The following IL1RAPL1 variants were observed in gnomAD, a reference collection of about 807,000 sequenced individuals.
IL1RAPL1 encodes interleukin 1 receptor accessory protein like 1.
IL1RAPL1 carries 3 observed loss-of-function variants against 48.4 expected under a neutral mutation model. That is an observed-to-expected ratio of 0.06 (90% CI 0.03 to 0.16). The LOEUF is 0.16. Ranked by LOEUF, IL1RAPL1 falls within the 10% of genes least tolerant of loss-of-function variation. The pLI is 1.00. For synonymous variants in IL1RAPL1, 185 were observed against 187.7 expected (o/e 0.99, Z 0.12); for missense variants, 349 against 530.6 (o/e 0.66, Z 3.36).
chrX:29,771,559 C>T (rs747380284), intron 6 of IL1RAPL1, among the ~76,000 whole-genome samples: 2 of 112,004 alleles, frequency 1.8e-5, no homozygotes, highest in Admixed American at 9.5e-5. Context: ...TCTTAAGAAA[C>T]TGTGATGGCT....
chrX:29,311,661 C>T (rs1271482710), intron 3 of IL1RAPL1, among the ~76,000 whole-genome samples: 4 of 111,824 alleles, frequency 3.6e-5, no homozygotes, highest in Non-Finnish European at 5.6e-5. Flanking sequence ...GGCTACGGTA[C>T]TGGACAACAT....
intron 2 of IL1RAPL1, among the ~76,000 whole-genome samples, chrX:29,035,640 T>TA (rs956596846): frequency 3.3e-4 from 35 of 106,446 alleles, no homozygotes; most frequent in African/African-American, 9.9e-4. Context: ...GACTCCTTCT[T>TA]AAAAAAAAAA....
rs890358711 is a variant in IL1RAPL1, at chrX:29,399,099, G to C, written c.550-56G>C. 6.6e-5 allele frequency: 64 copies of C among 970,841 alleles called. No homozygotes were observed. In the East Asian group the frequency reaches 2.0e-3, roughly 30 times the overall value. 80.0% of individuals were successfully genotyped at this position (970,841 alleles called of 1,213,427 possible). On this transcript the variant is annotated intron_variant, in intron 4 of 10. Transcript: ENST00000378993. ...GCTTTTGTTTTAGTTATTTAAAACTGTTCTATATTTTTCCATTACTATATG... is the reference window on the plus strand; with the variant it reads ...GCTTTTGTTTTAGTTATTTAAAACTCTTCTATATTTTTCCATTACTATATG...
At chrX:28,647,935 C>T (rs1028591713) in intron 1 of IL1RAPL1, among the ~76,000 whole-genome samples, 2 of 111,643 alleles carry the variant, frequency 1.8e-5, no homozygotes, top group Non-Finnish European at 3.8e-5. Flanking sequence ...CTTCATATCC[C>T]TGCTTATAAT....
intron 5 of IL1RAPL1, among the ~76,000 whole-genome samples, chrX:29,571,833 G>A (rs1922606493): frequency 9.0e-6 from 1 of 111,325 alleles, no homozygotes; most frequent in African/African-American, 3.3e-5. Context: ...CCTCTGTAAC[G>A]CTTTTCTCAG....
intron 2 of IL1RAPL1, among the ~76,000 whole-genome samples, chrX:29,251,433 C>A (rs976995557): frequency 1.6e-4 from 18 of 111,402 alleles, no homozygotes; most frequent in Middle Eastern, 4.2e-3. Flanking sequence ...ATGGGGATAA[C>A]AGTAGACCGT....
chrX:29,882,308 A>G (rs901066326), intron 6 of IL1RAPL1, among the ~76,000 whole-genome samples: 3 of 111,759 alleles, frequency 2.7e-5, no homozygotes, highest in African/African-American at 9.7e-5. Flanking sequence ...CATTTTGTAT[A>G]GTAGTTAATA....
At chrX:29,144,742 T>C (rs1929314747) in intron 2 of IL1RAPL1, among the ~76,000 whole-genome samples, 1 of 107,110 alleles carries the variant, frequency 9.3e-6, no homozygotes, top group Admixed American at 1.0e-4. Context: ...TTTTTTTTTT[T>C]TTGAGATGGA....
intron 2 of IL1RAPL1, among the ~76,000 whole-genome samples, chrX:29,047,782 G>C (rs1486899025): frequency 9.4e-6 from 1 of 106,653 alleles, no homozygotes; most frequent in Non-Finnish European, 1.9e-5. Flanking sequence ...GGAGTACAGT[G>C]GTGTGATCTC....
At chrX:28,926,822 A>G (rs1156871703) in intron 2 of IL1RAPL1, among the ~76,000 whole-genome samples, 2 of 111,027 alleles carry the variant, frequency 1.8e-5, no homozygotes, top group Non-Finnish European at 3.8e-5. Flanking sequence ...AAGAAATATG[A>G]CACCCCATTT....
intron 5 of IL1RAPL1, among the ~76,000 whole-genome samples, chrX:29,602,516 A>C (rs978044479): frequency 7.1e-5 from 8 of 112,539 alleles, no homozygotes; most frequent in African/African-American, 2.3e-4. Context: ...TTGTATTGTC[A>C]CTTTGATTAA....
intron 2 of IL1RAPL1, among the ~76,000 whole-genome samples, chrX:28,813,413 A>G (rs1031717444): frequency 3.6e-5 from 4 of 111,114 alleles, no homozygotes; most frequent in Non-Finnish European, 7.6e-5. Context: ...AATGATTTCT[A>G]TCCTTTTAAA....
chrX:29,515,972 C>T (rs1280860213), intron 5 of IL1RAPL1, among the ~76,000 whole-genome samples: 2 of 112,059 alleles, frequency 1.8e-5, no homozygotes, highest in African/African-American at 6.5e-5. Context: ...AGGTGTGAGC[C>T]ACTGTGCCTG....
chrX:29,399,355 T>TAGTAG, intron 5 of IL1RAPL1, 47 bp downstream of exon 5: 1 of 1,048,205 alleles, frequency 9.5e-7, no homozygotes, highest in Non-Finnish European at 1.3e-6. Flanking sequence ...GAAACTACTA[T>TAGTAG]TTTAAGTTAG....
intron 3 of IL1RAPL1, among the ~76,000 whole-genome samples, chrX:29,371,957 A>G (rs746884016): frequency 5.5e-4 from 62 of 112,276 alleles, no homozygotes; most frequent in Admixed American, 1.0e-3. Context: ...GTATATACCA[A>G]ATAATGGGAT....
At chrX:29,804,937 A>G (rs1456179585) in intron 6 of IL1RAPL1, among the ~76,000 whole-genome samples, 1 of 112,284 alleles carries the variant, frequency 8.9e-6, no homozygotes, top group Non-Finnish European at 1.9e-5. Flanking sequence ...AATTAAATAC[A>G]TGTTATTATT....
intron 6 of IL1RAPL1, among the ~76,000 whole-genome samples, chrX:29,785,571 G>C (rs1929476978): frequency 8.9e-6 from 1 of 112,006 alleles, no homozygotes; most frequent in African/African-American, 3.2e-5. Context: ...GTGTATCCCA[G>C]AGAAATAAAA....
chrX:28,728,151 A>G (rs894842416), intron 1 of IL1RAPL1, among the ~76,000 whole-genome samples: 2 of 112,132 alleles, frequency 1.8e-5, no homozygotes, highest in African/African-American at 6.5e-5. Flanking sequence ...TTCTTATTAT[A>G]TCAGAATTAT....
intron 2 of IL1RAPL1, among the ~76,000 whole-genome samples, chrX:29,234,246 T>C (rs754364314): frequency 3.8e-5 from 4 of 104,337 alleles, no homozygotes; most frequent in Non-Finnish European, 7.6e-5. Context: ...GTTGCACATA[T>C]TTATAAAGTA....
Sources: allele counts gnomAD v4.1 joint callset (sites outside exome capture counted in the v4.1 genomes callset), GRCh38; gene constraint gnomAD v4.1.1; transcripts MANE v1.5; gene names NCBI Gene and HGNC (gene_info 2026-07-23, HGNC 2026-07-21).